CCDC27: variants seen among roughly 807,000 people sequenced by gnomAD.
CCDC27 encodes coiled-coil domain containing 27.
A neutral mutation model predicts 80.3 loss-of-function variants in CCDC27; 80 were observed. The ratio of observed to expected loss-of-function variants is 1.00; its 90% confidence interval spans 0.83 to 1.20. CCDC27 has a LOEUF of 1.20. Ranked by LOEUF, CCDC27 falls within the 50% of genes most tolerant of loss-of-function variation. The pLI, the probability that CCDC27 is intolerant of heterozygous loss-of-function variation, is 0.00. For missense variants in CCDC27, 815 were observed against 809.4 expected, an observed-to-expected ratio of 1.01 and a Z score of -0.08; for synonymous variants, 342 against 334.3, an observed-to-expected ratio of 1.02 and a Z score of -0.25.
In CCDC27 at chr1:3,771,496, C is replaced by A. The variant is rs1643363355; in HGVS notation, c.1944C>A (p.Ser648Arg). Residue 648 changes from serine to arginine, a missense_variant, in exon 12 of 12, where the codon AGC becomes AGA. Physicochemically the swap from Ser to Arg is moderately radical, Grantham distance 110. Coordinates refer to ENST00000294600, the MANE Select transcript of CCDC27 (RefSeq NM_152492.3). ...AACAGTCAGAGGCCTTCCTGACCAGCAAATCCAAGAAGGGGACCTCCAAGT... is the reference window on the plus strand; with the variant it reads ...AACAGTCAGAGGCCTTCCTGACCAGAAAATCCAAGAAGGGGACCTCCAAGT... ...PLQQSEAFLTSKSKKGTSK is the reference protein window; with the variant it reads ...PLQQSEAFLTRKSKKGTSK The A allele has an allele frequency of 6.2e-7, 1 of 1,613,926 alleles. No homozygotes were observed. Among genetic ancestry groups the A allele is most frequent in the South Asian group, 1.1e-5 (1 of 91,082 alleles).
At chr1:3,755,044 G>A (rs768445586) in intron 2 of CCDC27, among the ~76,000 whole-genome samples, 2 of 152,192 alleles carry the variant, frequency 1.3e-5, no homozygotes, top group African/African-American at 2.4e-5. Flanking sequence ...TGTCCTGGGC[G>A]TGGGGTCTGC....
chr1:3,764,943 G>A lies in CCDC27; in HGVS notation c.1452+1107G>A, dbSNP rs539963289. ...CCAGCTACTCAGGAGGCCAAGGCAG[G>A]AGAATCGCTTGAACCCAGGAGAAGG... On this transcript the variant is annotated intron_variant, in intron 8 of 11. Transcript: ENST00000294600. 2.0e-5 allele frequency among the ~76,000 whole-genome samples: 3 copies of A among 151,528 alleles called. No homozygotes were observed. In the East Asian group the frequency reaches 5.8e-4, roughly 30 times the overall value.
At chr1:3,752,987 C>G (rs760600770) in intron 1 of CCDC27, among the ~76,000 whole-genome samples, 188 bp downstream of exon 1, 1 of 152,206 alleles carries the variant, frequency 6.6e-6, no homozygotes, top group Non-Finnish European at 1.5e-5. Context: ...GCGGTCCTCT[C>G]CCTTTCTGAA....
chr1:3,766,160 G>A lies in CCDC27; in HGVS notation c.1453-375G>A, dbSNP rs1004145740. Among the ~76,000 whole-genome samples the A allele has an allele frequency of 2.0e-5, 3 of 152,106 alleles. No individual in the cohort carries two copies. Among genetic ancestry groups the A allele is most frequent in the Admixed American group, 6.5e-5 (1 of 15,270 alleles). Reference sequence around the variant, plus strand: ...GGATTACAGGTGTGAGCCACTGCACGTGGCCTAGGGCTCTTCATTTCTGAA... The same window carrying A: ...GGATTACAGGTGTGAGCCACTGCACATGGCCTAGGGCTCTTCATTTCTGAA... On this transcript the variant is annotated intron_variant, in intron 8 of 11. Coordinates refer to ENST00000294600, the MANE Select transcript of CCDC27 (RefSeq NM_152492.3). The surrounding 1 kb of genome is among the most constrained non-coding windows in gnomAD (Gnocchi z 6.1).
rs376625030 is a variant in CCDC27, at chr1:3,752,807, G to A, written c.318+8G>A. On this transcript the variant is annotated splice_region_variant and intron_variant, in intron 1 of 11. Coordinates refer to ENST00000294600, the MANE Select transcript of CCDC27 (RefSeq NM_152492.3). ...CGCTACTACAGGAAGACGGTATGGG[G>A]TCCCGGGAGGAGGGCTGCCACGAGC... 25 of 1,607,618 alleles carry A rather than the reference G, an allele frequency of 1.6e-5. No homozygotes were observed. The African/African-American group carries it at 3.2e-4, about 21-fold the overall frequency.
At position 3,769,987 on chromosome 1, in the gene CCDC27, C is replaced by T. The variant is rs1170667599; in HGVS notation, c.1848+100C>T. ...GGGCCTAGATTCCAGGGACTCTGTT[C>T]TCATCCTACCTGTGTCACCTATTCA... is the stretch of plus-strand genomic sequence containing the variant. On this transcript the variant is annotated intron_variant, in intron 11 of 11. Coordinates refer to ENST00000294600, the MANE Select transcript of CCDC27 (RefSeq NM_152492.3). The surrounding 1 kb of genome is among the most constrained non-coding windows in gnomAD (Gnocchi z 4.6). The T allele has an allele frequency of 3.7e-6, 3 of 819,182 alleles. No homozygotes were observed. The highest frequency in any genetic ancestry group is 1.9e-5 in the Admixed American group (1 of 53,428). 50.7% of individuals were successfully genotyped at this position (819,182 alleles called of 1,614,324 possible).
chr1:3,763,149 C>A lies in CCDC27; in HGVS notation c.996C>A (p.Pro332=), dbSNP rs749723179. The stretch of plus-strand genomic sequence containing the variant: ...CGGCACCGGAGAGGGGCAAGGAGCC[C>A]GACCTGGGAGGTGGCGAGGAGGACG... ...ESAAPERGKE[P]DLGGGEEDEG... The change falls in exon 7 of 12, where the codon CCC becomes CCA. Residue 332 remains proline (P), a synonymous_variant. Transcript: ENST00000294600. This position sits in a 1 kb window ranked among gnomAD's most constrained non-coding sequence, Gnocchi z 7.5. The A allele has an allele frequency of 2.7e-6, 4 of 1,488,240 alleles. No homozygotes were observed. The highest frequency in any genetic ancestry group is 3.6e-6 in the Non-Finnish European group (4 of 1,118,578). The allele number at this position is 1,488,240 out of a possible 1,614,324, so 92.2% of individuals were successfully genotyped here.
At position 3,762,913 on chromosome 1, in the gene CCDC27, G is replaced by T. The variant is rs6699377; in HGVS notation, c.955-195G>T. On this transcript the variant is annotated intron_variant, in intron 6 of 11. Transcript: ENST00000294600. ...GTCAGGTGCAGTCTACTGACAGAGG[G>T]AGGACCCGTGACAGAGGCCACAGTG... 0.048 allele frequency: 38,279 copies of T among 796,180 alleles called. 5,168 individuals are homozygous for T. The highest frequency in any genetic ancestry group is 0.38 in the African/African-American group (21,583 of 57,318). 49.3% of individuals were successfully genotyped at this position (796,180 alleles called of 1,614,324 possible). A position where few individuals can be genotyped will look rare whatever the true frequency, so the allele number is the denominator to read the frequency against.
At position 3,761,620 on chromosome 1, in the gene CCDC27, G is replaced by A. The variant is rs983398607; in HGVS notation, c.861+190G>A. ...GCAGGGGAGAGGCGAACAGAGGCAC[G>A]AAATGACAAATGAGAGCCATGAGCT... On this transcript the variant is annotated intron_variant, in intron 5 of 11. Coordinates refer to ENST00000294600, the MANE Select transcript of CCDC27 (RefSeq NM_152492.3). This position sits in a 1 kb window ranked among gnomAD's most constrained non-coding sequence, Gnocchi z 5.0. Among the ~76,000 whole-genome samples the A allele has an allele frequency of 3.3e-5, 5 of 152,000 alleles. No individual in the cohort carries two copies. The highest frequency in any genetic ancestry group is 7.2e-5 in the African/African-American group (3 of 41,424).
At position 3,761,540 on chromosome 1, in the gene CCDC27, A is replaced by G; in HGVS notation, c.861+110A>G. ...CCTGGCAAACCCCCAGGCCCCCTGG[A>G]TCCTATCAGGTCCTCACTGGAACGT... On this transcript the variant is annotated intron_variant, in intron 5 of 11. Coordinates refer to ENST00000294600, the MANE Select transcript of CCDC27 (RefSeq NM_152492.3). This position sits in a 1 kb window ranked among gnomAD's most constrained non-coding sequence, Gnocchi z 5.0. The G allele has an allele frequency of 7.7e-7, 1 of 1,304,324 alleles. No individual in the cohort carries two copies. The highest frequency in any genetic ancestry group is 1.5e-5 in the African/African-American group (1 of 67,122). 80.8% of individuals were successfully genotyped at this position (1,304,324 alleles called of 1,614,324 possible).
At chr1:3,754,277 C>T (rs368037695) in intron 2 of CCDC27, 36 bp downstream of exon 2, 6 of 1,542,148 alleles carry the variant, frequency 3.9e-6, no homozygotes, top group Non-Finnish European at 5.2e-6. Flanking sequence ...TGTGAAACTG[C>T]CTGTCAGAGT....
In CCDC27 at chr1:3,763,962, C is replaced by T. The variant is rs1032862830; in HGVS notation, c.1452+126C>T. On this transcript the variant is annotated intron_variant, in intron 8 of 11. Transcript: ENST00000294600. The surrounding 1 kb of genome is among the most constrained non-coding windows in gnomAD (Gnocchi z 7.5). ...GATGGAGACTTTGAGCCTGGGGTGTCCAGGCAGCTGGCCCAGGGTTGTGCG... is the reference window on the plus strand; with the variant it reads ...GATGGAGACTTTGAGCCTGGGGTGTTCAGGCAGCTGGCCCAGGGTTGTGCG... 12 of 1,426,422 alleles carry T rather than the reference C, an allele frequency of 8.4e-6. No homozygotes were observed. Among genetic ancestry groups the T allele is most frequent in the Non-Finnish European group, 1.1e-5 (12 of 1,074,676 alleles). 88.4% of individuals were successfully genotyped at this position (1,426,422 alleles called of 1,614,324 possible).
Position 3,771,436 on chromosome 1 carries a change from G to A in CCDC27, c.1884G>A (p.Gln628=), listed in dbSNP as rs1643360766. ...IISERSDYYN[Q]LKQKGVKVPP... ...CAGAGAGAAGCGACTACTATAATCAGCTGAAGCAGAAAGGCGTCAAAGTGC... is the reference window on the plus strand; with the variant it reads ...CAGAGAGAAGCGACTACTATAATCAACTGAAGCAGAAAGGCGTCAAAGTGC... Residue 628 remains glutamine (Q), a synonymous_variant, in exon 12 of 12, where the codon CAG becomes CAA. Coordinates refer to ENST00000294600, the MANE Select transcript of CCDC27 (RefSeq NM_152492.3). 1.2e-6 allele frequency: 2 copies of A among 1,613,928 alleles called. No individual in the cohort carries two copies. Among genetic ancestry groups the A allele is most frequent in the Admixed American group, 1.7e-5 (1 of 60,006 alleles).
chr1:3,757,038 C>T (rs1642975396), intron 4 of CCDC27, 148 bp downstream of exon 4: 1 of 918,536 alleles, frequency 1.1e-6, no homozygotes, highest in Non-Finnish European at 1.6e-6. Context: ...GACCTCCAGA[C>T]CCCCTGCTTT....
rs1489427568 is a variant in CCDC27 at position 3,769,016 on chromosome 1, A to G, written c.1744-767A>G. Among the ~76,000 whole-genome samples the G allele has an allele frequency of 6.6e-6, 1 of 152,194 alleles. No individual in the cohort carries two copies. Among genetic ancestry groups the G allele is most frequent in the African/African-American group, 2.4e-5 (1 of 41,452 alleles). On this transcript the variant is annotated intron_variant, in intron 10 of 11. Transcript: ENST00000294600. The surrounding 1 kb of genome is among the most constrained non-coding windows in gnomAD (Gnocchi z 4.6). ...TGTGGACATGCTTCCACTCGGAGGC[A>G]AGGCTGAGCCTCTCGGGCCCAGCTC...
chr1:3,767,621 G>A (rs10910025), intron 10 of CCDC27, among the ~76,000 whole-genome samples, 176 bp downstream of exon 10: 22,124 of 152,284 alleles, frequency 0.15, 2,649 homozygotes, highest in African/African-American at 0.32. Context: ...TGTGGGTAGA[G>A]GACGGAGTGA....
chr1:3,762,517 C>A, intron 5 of CCDC27, 103 bp from the exon 6 acceptor site: 5 of 906,108 alleles, frequency 5.5e-6, no homozygotes, highest in Non-Finnish European at 8.5e-6. Context: ...GGTCCCCTCC[C>A]CAGACATGAG....
rs749819881 is a variant in CCDC27 at position 3,763,221 on chromosome 1, G to T, written c.1068G>T (p.Trp356Cys). The change falls in exon 7 of 12, where the codon TGG becomes TGT. Residue 356 changes from tryptophan (W) to cysteine (C), a missense_variant. Trp to Cys is a radical substitution (Grantham distance 215, BLOSUM62 -2). Transcript: ENST00000294600. This position sits in a 1 kb window ranked among gnomAD's most constrained non-coding sequence, Gnocchi z 7.5. Reference protein sequence around the residue: ...EPDGVEDTGAWGGVSQMGSVH... With the variant: ...EPDGVEDTGACGGVSQMGSVH... ...ATGGGGTGGAGGACACGGGTGCCTG[G>T]GGAGGTGTGAGCCAGATGGGATCCG... The T allele has an allele frequency of 1.9e-6, 3 of 1,543,712 alleles. No homozygotes were observed. The African/African-American group carries it at 4.1e-5, about 21-fold the overall frequency.
rs755908426 is a variant in CCDC27, at chr1:3,769,793, T to G, written c.1754T>G (p.Leu585Ter). The G allele has an allele frequency of 1.5e-5, 24 of 1,613,670 alleles. No homozygotes were observed. Among genetic ancestry groups the G allele is most frequent in the Non-Finnish European group, 2.0e-5 (24 of 1,179,686 alleles). Residue 585 changes from leucine to a stop codon, truncating the protein, a stop_gained, in exon 11 of 12, where the codon TTA becomes TGA. Transcript: ENST00000294600. LOFTEE classifies it high-confidence loss of function. This position sits in a 1 kb window ranked among gnomAD's most constrained non-coding sequence, Gnocchi z 4.6. ...TCCCTTTGCTCACAGCTCGAGAGGT[T>G]AAGGAATAAGATCATCCAGGCCACC... ...LESSQSRLER[L>*]RNKIIQATFS... is the part of the protein sequence containing the mutation.
Sources: allele counts gnomAD v4.1 joint callset (sites outside exome capture counted in the v4.1 genomes callset), GRCh38; gene constraint gnomAD v4.1.1; non-coding constraint Gnocchi (gnomAD v3.1); transcripts MANE v1.5; gene names NCBI Gene and HGNC (gene_info 2026-07-23, HGNC 2026-07-21).